Variants in EIF4A3 observed in about 807,000 individuals in gnomAD.
EIF4A3 encodes eukaryotic initiation factor 4A-III.
EIF4A3 carries 1 observed loss-of-function variant against 55.6 expected under a neutral mutation model. The ratio of observed to expected loss-of-function variants is 0.02; its 90% CI spans 0.01 to 0.09. The LOEUF is 0.09. EIF4A3 is among the 10% of genes least tolerant of loss of function. The probability of loss-of-function intolerance (pLI) is 1.00; values close to 1 mark genes in which losing one functional copy is unlikely to be tolerated. For synonymous variants in EIF4A3, 194 were observed against 196.3 expected (o/e 0.99, Z 0.10); for missense variants, 221 against 540.7 (o/e 0.41, Z 5.86).
intron 7 of EIF4A3, 114 bp from the exon 8 acceptor site, chr17:80,138,394 G>A: frequency 7.5e-7 from 1 of 1,335,076 alleles, no homozygotes; most frequent in Non-Finnish European, 1.0e-6. Flanking sequence ...CGTGATATCT[G>A]GTGCAGACCC....
Position 80,138,244 on chromosome 17 carries a change from G to A in EIF4A3, c.765C>T (p.Phe255=), listed in dbSNP as rs61756263. Residue 255 remains phenylalanine (F), a synonymous_variant, in exon 8 of 12, where the codon TTC becomes TTT. Transcript: ENST00000649764. ...ELTLEGIKQF[F]VAVEREEWKF... Reference sequence around the variant, plus strand: ...TCCACTCTTCCCTCTCCACTGCCACGAAAAATTGCTTGATGCCTTCCAGAG... The same window carrying A: ...TCCACTCTTCCCTCTCCACTGCCACAAAAAATTGCTTGATGCCTTCCAGAG... 117 of 1,613,970 alleles carry A rather than the reference G, an allele frequency of 7.2e-5. 3 individuals carry two copies. The South Asian group carries it at 8.6e-4, about 12-fold the overall frequency.
At chr17:80,139,838 C>T in intron 5 of EIF4A3, 88 bp from the exon 6 acceptor site, 1 of 1,499,306 alleles carries the variant, frequency 6.7e-7, no homozygotes, top group Non-Finnish European at 9.1e-7. Flanking sequence ...AGAAAGAGCT[C>T]ATCATTCCAC....
At chr17:80,142,572 C>G (rs1567850482) in intron 2 of EIF4A3, among the ~76,000 whole-genome samples, 1 of 151,750 alleles carries the variant, frequency 6.6e-6, no homozygotes, top group East Asian at 1.9e-4. Flanking sequence ...AGCAAGAGAC[C>G]CCATTTCTAA....
chr17:80,143,799 TG>T (rs2039637281), intron 2 of EIF4A3, among the ~76,000 whole-genome samples: 1 of 124,094 alleles, frequency 8.1e-6, no homozygotes, highest in Non-Finnish European at 1.7e-5. Context: ...ACCAACATGG[TG>T]AAACCCCCGT....
chr17:80,137,751 T>C, intron 8 of EIF4A3: 1 of 492,350 alleles, frequency 2.0e-6, no homozygotes. Context: ...GGTGTGCTCA[T>C]TCTCATTTGA....
At chr17:80,138,315 T>C (rs1567848752) in intron 7 of EIF4A3, 35 bp from the exon 8 acceptor site, 1 of 1,610,006 alleles carries the variant, frequency 6.2e-7, no homozygotes, top group Admixed American at 1.7e-5. Context: ...TACATACTCA[T>C]CCTTCCTTCT....
chr17:80,137,232 C>T, intron 9 of EIF4A3, 154 bp downstream of exon 9: 1 of 595,228 alleles, frequency 1.7e-6, no homozygotes, highest in South Asian at 2.4e-5. Context: ...CCCTCCTTAA[C>T]TGGAAGGTTT....
At chr17:80,145,802 C>CG (rs1417806540) in intron 1 of EIF4A3, among the ~76,000 whole-genome samples, 1 of 151,948 alleles carries the variant, frequency 6.6e-6, no homozygotes, top group African/African-American at 2.4e-5. Context: ...CATCAACCAC[C>CG]GGTTACTCAA....
intron 4 of EIF4A3, 176 bp from the exon 5 acceptor site, chr17:80,140,316 T>TC (rs1489376867): frequency 2.8e-6 from 1 of 360,364 alleles, no homozygotes; most frequent in East Asian, 1.1e-4. Context: ...AATTTTGCTT[T>TC]TTTTTTTTTT....
intron 8 of EIF4A3, chr17:80,137,727 G>T (rs528200811): frequency 3.9e-6 from 2 of 514,982 alleles, no homozygotes; most frequent in Non-Finnish European, 6.9e-6. Flanking sequence ...TGACTCTATG[G>T]GGGGAGGGGG....
chr17:80,144,648 CA>C (rs962213420), intron 1 of EIF4A3, among the ~76,000 whole-genome samples: 2 of 151,648 alleles, frequency 1.3e-5, no homozygotes, highest in African/African-American at 4.8e-5. Context: ...GGATTACAAA[CA>C]ACCTATACTA....
At chr17:80,138,101 A>G (rs2039588130) in intron 8 of EIF4A3, 41 bp downstream of exon 8, 1 of 1,591,346 alleles carries the variant, frequency 6.3e-7, no homozygotes. Flanking sequence ...CTCAATCTGC[A>G]GTTTCCCTTC....
chr17:80,135,838 T>C, intron 11 of EIF4A3, 166 bp downstream of exon 11: 1 of 840,560 alleles, frequency 1.2e-6, no homozygotes, highest in South Asian at 1.8e-5. Context: ...GAGGTTGCAG[T>C]GAGCCGAAAT....
In EIF4A3 at chr17:80,135,311, A is replaced by T; in HGVS notation, c.*179T>A. The T allele has an allele frequency of 1.7e-6, 1 of 602,736 alleles. No individual in the cohort carries two copies. The highest frequency in any genetic ancestry group is 2.8e-6 in the Non-Finnish European group (1 of 362,256). 37.3% of individuals were successfully genotyped at this position (602,736 alleles called of 1,614,324 possible). On this transcript the variant is annotated 3_prime_UTR_variant, in exon 12 of 12. Coordinates refer to ENST00000649764, the MANE Select transcript of EIF4A3 (RefSeq NM_014740.4). ...AAAGACTTAGAACAATGTATTATTT[A>T]CATGTAAATAAGAAAAGAGAGCAGA...
At chr17:80,142,106 T>C (rs1033379318) in intron 2 of EIF4A3, among the ~76,000 whole-genome samples, 1 of 152,208 alleles carries the variant, frequency 6.6e-6, no homozygotes, top group Non-Finnish European at 1.5e-5. Flanking sequence ...AGGTGTTTCA[T>C]AGGTGTCAGA....
At chr17:80,142,584 C>T (rs774043233) in intron 2 of EIF4A3, among the ~76,000 whole-genome samples, 2 of 151,974 alleles carry the variant, frequency 1.3e-5, no homozygotes, top group Non-Finnish European at 2.9e-5. Flanking sequence ...CATTTCTAAA[C>T]AAAACAAAAA....
chr17:80,145,858 G>A (rs959574509), intron 1 of EIF4A3, among the ~76,000 whole-genome samples: 1 of 151,968 alleles, frequency 6.6e-6, no homozygotes, highest in African/African-American at 2.4e-5. Context: ...CAATCCATCA[G>A]CCAATGCTGT....
At chr17:80,136,177 G>C (rs748529908) in intron 10 of EIF4A3, 46 bp from the exon 11 acceptor site, 1 of 1,613,304 alleles carries the variant, frequency 6.2e-7, no homozygotes, top group Admixed American at 1.7e-5. Flanking sequence ...TAACAATCAA[G>C]ATTTAGTAAA....
At chr17:80,135,731 A>C in intron 11 of EIF4A3, 1 of 610,104 alleles carries the variant, frequency 1.6e-6, no homozygotes, top group South Asian at 2.1e-5. Flanking sequence ...CCCCGTCTCT[A>C]CTAAAAATAC....
Sources: gnomAD v4.1 joint callset for allele counts (sites outside exome capture counted in the v4.1 genomes callset) on GRCh38, gnomAD v4.1.1 for gene constraint, MANE v1.5 for transcripts, NCBI Gene and HGNC (gene_info 2026-07-23, HGNC 2026-07-21) for gene names.